LRP5: variants seen among roughly 807,000 people sequenced by gnomAD.
The protein encoded by LRP5 is LDL receptor related protein 5.
LRP5 carries 62 observed loss-of-function variants against 154.1 expected under a neutral mutation model. The observed-to-expected ratio is 0.40, with a 90% CI of 0.33 to 0.50. The LOEUF (loss-of-function observed/expected upper bound fraction) is 0.50. LRP5 is among the 20% of genes least tolerant of loss of function. The pLI, the probability that LRP5 is intolerant of heterozygous loss-of-function variation, is 0.55. For missense variants in LRP5, 1,915 were observed against 2,336.7 expected, an observed-to-expected ratio of 0.82 and a Z score of 3.72; for synonymous variants, 966 against 1,011.5, an observed-to-expected ratio of 0.96 and a Z score of 0.85.
chr11:68,359,387 G>C (rs1016130716), intron 3 of LRP5, among the ~76,000 whole-genome samples: 3 of 152,176 alleles, frequency 2.0e-5, no homozygotes, highest in African/African-American at 7.2e-5. Flanking sequence ...CAGCGGGTCT[G>C]GTTTGAGATT....
intron 21 of LRP5, among the ~76,000 whole-genome samples, chr11:68,442,613 T>C (rs533599192): frequency 6.6e-6 from 1 of 152,334 alleles, no homozygotes; most frequent in East Asian, 1.9e-4. Context: ...AGATAGCATC[T>C]GAAGAGTCAA....
At chr11:68,357,615 T>A (rs201474270) in intron 2 of LRP5, 35 bp from the exon 3 acceptor site, 17 of 1,596,136 alleles carry the variant, frequency 1.1e-5, no homozygotes, top group Admixed American at 1.0e-4. Flanking sequence ...AACAGATCTG[T>A]GTTAGCTGCT....
chr11:68,396,017 A>AG (rs1474619080), intron 7 of LRP5, among the ~76,000 whole-genome samples: 1 of 152,050 alleles, frequency 6.6e-6, no homozygotes, highest in East Asian at 1.9e-4. Context: ...TTGGGCCTGC[A>AG]GGCTCGTTCA....
intron 18 of LRP5, among the ~76,000 whole-genome samples, chr11:68,434,433 G>A (rs2098673774): frequency 3.9e-5 from 6 of 152,054 alleles, no homozygotes; most frequent in Admixed American, 3.9e-4. Context: ...AGGCTGGAGT[G>A]CCCTGGTGTA....
chr11:68,433,607 C>G lies in LRP5; in HGVS notation c.3769C>G (p.Pro1257Ala). The G allele has an allele frequency of 6.2e-7, 1 of 1,613,278 alleles. No individual in the cohort carries two copies. Among genetic ancestry groups the G allele is most frequent in the East Asian group, 2.2e-5 (1 of 44,884 alleles). The change falls in exon 18 of 23, where the codon CCC becomes GCC. Residue 1257 changes from proline to alanine, a missense_variant. By Grantham distance (27) the Pro-to-Ala change is conservative. This residue lies in a region of LRP5 where 1,094 missense variants were observed against 1,210.1 expected (regional missense o/e 0.90). Transcript: ENST00000294304. ...CTCCTCTGTCCCTCCCCCAGAGCCG[C>G]CCACCTGCTCCCCGGACCAGTTTGC... ...LQNLLTCGEP[P>A]TCSPDQFACA...
intron 5 of LRP5, among the ~76,000 whole-genome samples, chr11:68,384,878 G>A (rs1229263195): frequency 6.6e-6 from 1 of 152,200 alleles, no homozygotes; most frequent in Non-Finnish European, 1.5e-5. Flanking sequence ...CCTTGGGTTT[G>A]CACGCCTCTG....
chr11:68,327,672 G>A (rs1262318054), intron 1 of LRP5, among the ~76,000 whole-genome samples: 2 of 152,188 alleles, frequency 1.3e-5, no homozygotes, highest in Non-Finnish European at 2.9e-5. Context: ...GTGAAGTCAG[G>A]AACCAGAAGC....
chr11:68,390,170 G>A (rs2098645515), intron 7 of LRP5, 118 bp downstream of exon 7: 4 of 1,225,420 alleles, frequency 3.3e-6, no homozygotes, highest in Non-Finnish European at 4.7e-6. Flanking sequence ...TGGCCACATG[G>A]AATGCTTGAG....
At chr11:68,439,479 G>A (rs1443562805) in intron 20 of LRP5, among the ~76,000 whole-genome samples, 1 of 152,172 alleles carries the variant, frequency 6.6e-6, no homozygotes, top group Non-Finnish European at 1.5e-5. Flanking sequence ...CCCAGAGAAC[G>A]CGGCCCTGTC....
chr11:68,395,528 T>C (rs1177727267), intron 7 of LRP5, among the ~76,000 whole-genome samples: 3 of 152,140 alleles, frequency 2.0e-5, no homozygotes, highest in Non-Finnish European at 4.4e-5. Flanking sequence ...ACTTGGGGAC[T>C]GCTGGGGTGC....
At chr11:68,398,115 C>T (rs1454536508) in intron 7 of LRP5, among the ~76,000 whole-genome samples, 1 of 152,132 alleles carries the variant, frequency 6.6e-6, no homozygotes, top group Non-Finnish European at 1.5e-5. Context: ...GGTACTTCTT[C>T]CCTCAGACAA....
chr11:68,400,829 C>T (rs2098652256), intron 7 of LRP5, among the ~76,000 whole-genome samples: 1 of 152,160 alleles, frequency 6.6e-6, no homozygotes. Flanking sequence ...CCGAGATGGG[C>T]AGATTGCTTT....
At chr11:68,365,904 C>CTGTTT (rs1393626587) in intron 5 of LRP5, among the ~76,000 whole-genome samples, 5 of 152,146 alleles carry the variant, frequency 3.3e-5, no homozygotes, top group Admixed American at 6.5e-5. Context: ...GAGGTCAATC[C>CTGTTT]TGTTTTGTTT....
chr11:68,345,704 C>T (rs1041934775), intron 1 of LRP5, among the ~76,000 whole-genome samples: 1 of 152,204 alleles, frequency 6.6e-6, no homozygotes, highest in Non-Finnish European at 1.5e-5. Context: ...ATTGCTGGGT[C>T]ATATGGTAAT....
intron 15 of LRP5, among the ~76,000 whole-genome samples, chr11:68,425,552 G>GCCTA (rs1204422706): frequency 1.3e-5 from 2 of 152,240 alleles, no homozygotes; most frequent in Non-Finnish European, 2.9e-5. Flanking sequence ...CAGGACTGCA[G>GCCTA]CCTAGCCTCT....
intron 3 of LRP5, among the ~76,000 whole-genome samples, chr11:68,361,629 T>C (rs2098628174): frequency 6.7e-6 from 1 of 149,090 alleles, no homozygotes; most frequent in African/African-American, 2.5e-5. Flanking sequence ...AGAGCGAGAC[T>C]CTGTCTCAAA....
At chr11:68,431,801 G>A (rs893096994) in intron 17 of LRP5, among the ~76,000 whole-genome samples, 12 of 152,344 alleles carry the variant, frequency 7.9e-5, no homozygotes, top group Middle Eastern at 3.4e-3. Context: ...AAACGGGGCC[G>A]TCAGAACGCT....
chr11:68,438,510 C>T lies in LRP5; in HGVS notation c.4176C>T (p.Gly1392=). 1.9e-6 allele frequency: 3 copies of T among 1,614,252 alleles called. No individual in the cohort carries two copies. Among genetic ancestry groups the T allele is most frequent in the Non-Finnish European group, 2.5e-6 (3 of 1,180,048 alleles). ...AHSSAIGPVI[G]IILSLFVMGG... ...GCAGTGCCATCGGGCCCGTCATTGG[C>T]ATCATCCTCTCTCTCTTCGTCATGG... The change falls in exon 20 of 23, where the codon GGC becomes GGT. Residue 1392 remains glycine, a synonymous_variant. Coordinates refer to ENST00000294304, the MANE Select transcript of LRP5 (RefSeq NM_002335.4).
At chr11:68,437,033 C>G (rs150137194) in intron 19 of LRP5, 34 bp downstream of exon 19, 1 of 1,575,920 alleles carries the variant, frequency 6.3e-7, no homozygotes, top group Non-Finnish European at 8.7e-7. Flanking sequence ...AAGGGGCGTC[C>G]GGGCTGGGTT....
Sources: allele counts gnomAD v4.1 joint callset (sites outside exome capture counted in the v4.1 genomes callset), GRCh38; gene constraint gnomAD v4.1.1; regional missense constraint gnomAD v4.1.1; transcripts MANE v1.5; gene names NCBI Gene and HGNC (gene_info 2026-07-23, HGNC 2026-07-21).